The following CAMTA1 variants were observed in gnomAD, a reference collection of about 807,000 sequenced individuals.
CAMTA1 encodes calmodulin binding transcription activator 1, also known as calmodulin-binding transcription activator 1.
In CAMTA1, 27 loss-of-function variants were observed where a neutral mutation model predicts 170.9. The ratio of observed to expected loss-of-function variants is 0.16; its 90% CI spans 0.12 to 0.22. The LOEUF (loss-of-function observed/expected upper bound fraction) is 0.22, where lower values mean the gene tolerates loss of function less well. Among genes scored for constraint, CAMTA1 ranks in the 10% least tolerant of loss-of-function variants. The probability of loss-of-function intolerance (pLI) is 1.00; values close to 1 mark genes in which losing one functional copy is unlikely to be tolerated. For synonymous variants in CAMTA1, 833 were observed against 891.5 expected (o/e 0.93, Z 1.17); for missense variants, 1,619 against 2,217.2 (o/e 0.73, Z 5.42).
chr1:7,352,797 C>T (rs1441043031), intron 5 of CAMTA1, among the ~76,000 whole-genome samples: 1 of 152,228 alleles, frequency 6.6e-6, no homozygotes, highest in East Asian at 1.9e-4. Context: ...GGTTACACCT[C>T]CTCCCTAGCT....
At chr1:7,739,687 C>T (rs1029603147) in intron 16 of CAMTA1, among the ~76,000 whole-genome samples, 17 of 152,138 alleles carry the variant, frequency 1.1e-4, no homozygotes, top group African/African-American at 4.1e-4. Context: ...CATCAGATCT[C>T]AAGAGCCTTC....
Position 7,179,125 on chromosome 1 carries a change from C to T in CAMTA1, c.303-70366C>T, listed in dbSNP as rs945115988. On this transcript the variant is annotated intron_variant, in intron 4 of 22. Coordinates refer to ENST00000303635, the MANE Select transcript of CAMTA1 (RefSeq NM_015215.4). ...CATTGCTTCCAAATACATGAAAGGA[C>T]AAATGATGATATGGGTTCTGCCTTG... Among the ~76,000 whole-genome samples, 8 of 152,326 alleles carry T rather than the reference C, an allele frequency of 5.3e-5. No homozygotes were observed. In the East Asian group the frequency reaches 1.3e-3, roughly 26 times the overall value.
At position 7,541,666 on chromosome 1, in the gene CAMTA1, A is replaced by G. The variant is rs564496911; in HGVS notation, c.510+73765A>G. 3.3e-5 allele frequency among the ~76,000 whole-genome samples: 5 copies of G among 152,360 alleles called. No homozygotes were observed. The South Asian group carries it at 6.2e-4, about 19-fold the overall frequency. ...CATTTTCCCCGGCATGCACCATTGA[A>G]ACACACAGAAGTTACACGGGCGCGT... is the stretch of plus-strand genomic sequence containing the variant. On this transcript the variant is annotated intron_variant, in intron 6 of 22. Transcript: ENST00000303635.
At chr1:7,599,352 ATAGTT>A (rs1014243123) in intron 6 of CAMTA1, among the ~76,000 whole-genome samples, 1 of 152,146 alleles carries the variant, frequency 6.6e-6, no homozygotes, top group Non-Finnish European at 1.5e-5. Context: ...GCCTTGTAGT[ATAGTT>A]TAAAGTCAGG....
chr1:7,718,724 A>G (rs2096629860), intron 11 of CAMTA1, among the ~76,000 whole-genome samples: 1 of 151,238 alleles, frequency 6.6e-6, no homozygotes, highest in South Asian at 2.1e-4. Context: ...TGCCCAGCTA[A>G]TTTTTGTGTT....
intron 1 of CAMTA1, among the ~76,000 whole-genome samples, chr1:6,813,544 A>G (rs1019452331): frequency 1.3e-5 from 2 of 151,692 alleles, no homozygotes; most frequent in Admixed American, 6.6e-5. Flanking sequence ...TCTCAAATGA[A>G]TAGAGGGATA....
chr1:6,893,388 C>T (rs909260314), intron 3 of CAMTA1, among the ~76,000 whole-genome samples: 2 of 152,314 alleles, frequency 1.3e-5, no homozygotes, highest in East Asian at 1.9e-4. Context: ...CGTGGGTGGG[C>T]GAGCTGCTCC....
At chr1:7,377,289 A>C (rs1170451749) in intron 5 of CAMTA1, among the ~76,000 whole-genome samples, 2 of 152,208 alleles carry the variant, frequency 1.3e-5, no homozygotes, top group Non-Finnish European at 2.9e-5. Context: ...ACAAGTAATA[A>C]ATGTGTAAGA....
rs148293601 is a variant in CAMTA1 at position 7,569,033 on chromosome 1, C to T, written c.511-71367C>T. ...ACCATCATCATATTATTACCATTAC[C>T]ATCATCACCACCATCATTCTCCATC... On this transcript the variant is annotated intron_variant, in intron 6 of 22. Coordinates refer to ENST00000303635, the MANE Select transcript of CAMTA1 (RefSeq NM_015215.4). Among the ~76,000 whole-genome samples the T allele has an allele frequency of 5.2e-3, 783 of 151,386 alleles. 4 individuals are homozygous for T. The highest frequency in any genetic ancestry group is 8.7e-3 in the Non-Finnish European group (593 of 67,776).
chr1:7,757,968 G>T (rs1406964331), intron 22 of CAMTA1, among the ~76,000 whole-genome samples: 1 of 150,278 alleles, frequency 6.7e-6, no homozygotes, highest in Non-Finnish European at 1.5e-5. Context: ...CGTTTTTTTT[G>T]AAATGTAAGA....
Position 7,722,757 on chromosome 1 carries a change from C to T in CAMTA1, c.2915-9691C>T, listed in dbSNP as rs574699340. Among the ~76,000 whole-genome samples the T allele has an allele frequency of 5.9e-5, 9 of 151,926 alleles. No individual in the cohort carries two copies. The South Asian group carries it at 1.9e-3, about 32-fold the overall frequency. On this transcript the variant is annotated intron_variant, in intron 11 of 22. Transcript: ENST00000303635. ...ATCGGTTTATTACAGCTAGGTAACA[C>T]ACACAGTTACTTTCATCATCATTTG... is the stretch of plus-strand genomic sequence containing the variant.
chr1:7,545,238 A>T (rs1446803936), intron 6 of CAMTA1, among the ~76,000 whole-genome samples: 1 of 152,224 alleles, frequency 6.6e-6, no homozygotes, highest in East Asian at 1.9e-4. Flanking sequence ...AATTCAAAGA[A>T]ACTTTTTTCT....
chr1:6,949,618 T>C (rs1688137942), intron 3 of CAMTA1, among the ~76,000 whole-genome samples: 1 of 152,216 alleles, frequency 6.6e-6, no homozygotes, highest in South Asian at 2.1e-4. Context: ...AAGACCTGGA[T>C]TGGAGAGGCT....
chr1:7,132,347 T>C (rs1456589574), intron 4 of CAMTA1, among the ~76,000 whole-genome samples: 2 of 152,114 alleles, frequency 1.3e-5, no homozygotes, highest in Non-Finnish European at 2.9e-5. Flanking sequence ...TGATCATAGC[T>C]CACTGCAGCC....
At chr1:7,578,392 G>A (rs186811290) in intron 6 of CAMTA1, among the ~76,000 whole-genome samples, 14 of 152,322 alleles carry the variant, frequency 9.2e-5, no homozygotes, top group Middle Eastern at 3.4e-3. Context: ...GTCCCTCCCC[G>A]CCAGGCTCTC....
intron 5 of CAMTA1, among the ~76,000 whole-genome samples, chr1:7,409,926 C>G (rs938231039): frequency 2.0e-5 from 3 of 152,136 alleles, no homozygotes; most frequent in Admixed American, 6.5e-5. Context: ...AGGCCTGGAC[C>G]TGGCCAAGAA....
At chr1:7,506,961 C>T (rs1271018144) in intron 6 of CAMTA1, among the ~76,000 whole-genome samples, 1 of 151,776 alleles carries the variant, frequency 6.6e-6, no homozygotes, top group Non-Finnish European at 1.5e-5. Flanking sequence ...CACACACACT[C>T]AAAATTTGCA....
chr1:7,416,384 C>T (rs2091173659), intron 5 of CAMTA1, among the ~76,000 whole-genome samples: 2 of 152,354 alleles, frequency 1.3e-5, no homozygotes, highest in African/African-American at 2.4e-5. Context: ...CTCCCCGTCA[C>T]TTTCAGGCAC....
chr1:6,936,526 C>T (rs889420601), intron 3 of CAMTA1, among the ~76,000 whole-genome samples: 5 of 151,992 alleles, frequency 3.3e-5, no homozygotes, highest in Non-Finnish European at 7.4e-5. Flanking sequence ...GAGGGAGGCT[C>T]ATTTCTCCTG....
Sources: gnomAD v4.1 joint callset for allele counts (sites outside exome capture counted in the v4.1 genomes callset) on GRCh38, gnomAD v4.1.1 for gene constraint, MANE v1.5 for transcripts, NCBI Gene and HGNC (gene_info 2026-07-23, HGNC 2026-07-21) for gene names.